FILIP1L: variants seen among roughly 807,000 people sequenced by gnomAD.
FILIP1L encodes the protein filamin A interacting protein 1 like.
FILIP1L carries 55 observed loss-of-function variants against 96.6 expected under a neutral mutation model. The ratio of observed to expected loss-of-function variants is 0.57; its 90% CI spans 0.46 to 0.71. FILIP1L has a LOEUF of 0.71. FILIP1L is among the 30% of genes least tolerant of loss of function. The pLI is 0.00. For synonymous variants in FILIP1L, 467 were observed against 473.9 expected (o/e 0.99, Z 0.19); for missense variants, 1,304 against 1,321.2 (o/e 0.99, Z 0.20).
rs1199730486 is a variant in FILIP1L, at chr3:99,849,592, G to C, written c.2084C>G (p.Thr695Ser). ...TTTGAAAAGCCATTGTTCATGGCTG[G>C]TCTCTGTCTTTTCTGCTAACTTGTA... ...AKYKLAEKTE[T>S]SHEQWLFKRL... is the part of the protein sequence containing the mutation. Residue 695 changes from threonine to serine, a missense_variant, in exon 5 of 6, where the codon ACC becomes AGC. Thr to Ser is a moderately conservative substitution (Grantham distance 58). Coordinates refer to ENST00000477258, the MANE Select transcript of FILIP1L (RefSeq NM_001387850.1). 1 of 1,613,520 alleles carries C rather than the reference G, an allele frequency of 6.2e-7. No individual in the cohort carries two copies. Among genetic ancestry groups the C allele is most frequent in the Admixed American group, 1.7e-5 (1 of 60,010 alleles).
intron 1 of FILIP1L, among the ~76,000 whole-genome samples, chr3:100,096,284 C>T (rs1431633985): frequency 1.2e-5 from 1 of 85,358 alleles, no homozygotes; most frequent in Non-Finnish European, 2.5e-5. Context: ...GAAATGAAAT[C>T]AGTATAGCAA....
chr3:100,075,815 A>AT (rs1163460155), intron 1 of FILIP1L, among the ~76,000 whole-genome samples: 3 of 152,104 alleles, frequency 2.0e-5, no homozygotes, highest in Non-Finnish European at 4.4e-5. Context: ...GGGGCAATTT[A>AT]TCTCTGAGCT....
At chr3:99,904,784 A>G (rs1014983699) in intron 4 of FILIP1L, among the ~76,000 whole-genome samples, 1 of 152,094 alleles carries the variant, frequency 6.6e-6, no homozygotes, top group African/African-American at 2.4e-5. Context: ...TTGCTCTAGA[A>G]TCTTCAATCT....
chr3:99,875,887 C>G (rs1705487777), intron 4 of FILIP1L, among the ~76,000 whole-genome samples: 1 of 152,238 alleles, frequency 6.6e-6, no homozygotes, highest in South Asian at 2.1e-4. Context: ...CCAGAGAAAA[C>G]TTCTACTTTC....
rs201546638 is a variant in FILIP1L at position 99,849,217 on chromosome 3, C to G, written c.2459G>C (p.Arg820Pro). 6.2e-7 allele frequency: 1 copy of G among 1,614,106 alleles called. No homozygotes were observed. The highest frequency in any genetic ancestry group is 8.5e-7 in the Non-Finnish European group (1 of 1,179,998). The change falls in exon 5 of 6, where the codon CGT becomes CCT. Residue 820 changes from arginine (R) to proline (P), a missense_variant. Arg to Pro is a moderately radical substitution (Grantham distance 103). Coordinates refer to ENST00000477258, the MANE Select transcript of FILIP1L (RefSeq NM_001387850.1). ...PDYKSLIPLE[R>P]AVINGQLYEE... ...ATATAACTGACCATTGATGACTGCA[C>G]GTTCCAGAGGAATGAGGCTCTTGTA...
chr3:100,023,710 G>A (rs1283684113), intron 1 of FILIP1L, among the ~76,000 whole-genome samples: 1 of 152,058 alleles, frequency 6.6e-6, no homozygotes, highest in Non-Finnish European at 1.5e-5. Context: ...GTATGTCATG[G>A]TATGCTGCAG....
chr3:99,959,461 A>T (rs1708431082), intron 1 of FILIP1L, among the ~76,000 whole-genome samples: 1 of 152,050 alleles, frequency 6.6e-6, no homozygotes, highest in Non-Finnish European at 1.5e-5. Context: ...TTTTCCTCAA[A>T]CTTTAAATAT....
At chr3:100,111,967 T>C (rs1280406976) in intron 1 of FILIP1L, among the ~76,000 whole-genome samples, 2 of 152,172 alleles carry the variant, frequency 1.3e-5, no homozygotes, top group African/African-American at 2.4e-5. Context: ...ATTCCTACAC[T>C]CAGGGCATCT....
intron 1 of FILIP1L, among the ~76,000 whole-genome samples, chr3:100,049,661 A>T (rs1384858293): frequency 2.0e-5 from 3 of 152,238 alleles, no homozygotes; most frequent in Admixed American, 6.5e-5. Context: ...CAGCAAGAGC[A>T]ACCCTTCTTC....
intron 1 of FILIP1L, among the ~76,000 whole-genome samples, chr3:99,938,843 A>G (rs78376414): frequency 1.3e-5 from 2 of 152,260 alleles, no homozygotes; most frequent in East Asian, 1.9e-4. Context: ...AAAAAAAAAA[A>G]GTTTCCTTTT....
At chr3:100,023,823 T>C (rs1309953460) in intron 1 of FILIP1L, among the ~76,000 whole-genome samples, 1 of 152,212 alleles carries the variant, frequency 6.6e-6, no homozygotes, top group Non-Finnish European at 1.5e-5. Flanking sequence ...TACTATGTTC[T>C]CCTTCACAGT....
Position 99,929,939 on chromosome 3 carries a change from C to A in FILIP1L, c.343G>T (p.Val115Leu). 1 of 1,614,124 alleles carries A rather than the reference C, an allele frequency of 6.2e-7. No homozygotes were observed. Among genetic ancestry groups the A allele is most frequent in the Non-Finnish European group, 8.5e-7 (1 of 1,180,002 alleles). Residue 115 changes from valine to leucine, a missense_variant, in exon 3 of 6, where the codon GTG (valine) becomes TTG (leucine). Val to Leu is a conservative substitution (Grantham distance 32, BLOSUM62 1). Transcript: ENST00000477258. ...AQYGFVTPKK[V>L]LEALQRDAFQ... ...GCATCTCTCTGGAGAGCCTCTAACA[C>A]CTTTTTTGGAGTGACAAACCCATAC...
chr3:100,059,550 G>A (rs895819464), intron 1 of FILIP1L, among the ~76,000 whole-genome samples: 3 of 152,184 alleles, frequency 2.0e-5, no homozygotes, highest in African/African-American at 7.2e-5. Flanking sequence ...TATCCTCCAA[G>A]GGTAGAGGGT....
intron 1 of FILIP1L, among the ~76,000 whole-genome samples, chr3:100,019,224 T>C (rs1468722262): frequency 1.3e-5 from 2 of 152,150 alleles, no homozygotes; most frequent in Admixed American, 1.3e-4. Flanking sequence ...TAGCCTGGTA[T>C]GGTGGCACAT....
chr3:99,995,639 G>C (rs1195919563), intron 1 of FILIP1L, among the ~76,000 whole-genome samples: 1 of 152,218 alleles, frequency 6.6e-6, no homozygotes, highest in Non-Finnish European at 1.5e-5. Context: ...GCAAACTTCT[G>C]CCTGGGCATC....
intron 1 of FILIP1L, among the ~76,000 whole-genome samples, chr3:100,083,658 T>A (rs1245334718): frequency 1.3e-5 from 2 of 152,254 alleles, no homozygotes; most frequent in African/African-American, 4.8e-5. Flanking sequence ...AGTGTCATAT[T>A]TTTTAAAGTG....
chr3:99,950,658 T>C (rs1213571848), intron 1 of FILIP1L, among the ~76,000 whole-genome samples: 1 of 152,142 alleles, frequency 6.6e-6, no homozygotes, highest in Non-Finnish European at 1.5e-5. Flanking sequence ...AATATTCGCC[T>C]CCCCAGACAG....
rs1305947604 is a variant in FILIP1L at position 99,829,175 on chromosome 3, T to C, written c.*1239A>G. Among the ~76,000 whole-genome samples, 1 of 152,226 alleles carries C rather than the reference T, an allele frequency of 6.6e-6. No homozygotes were observed. The highest frequency in any genetic ancestry group is 1.5e-5 in the Non-Finnish European group (1 of 68,038). On this transcript the variant is annotated 3_prime_UTR_variant, in exon 6 of 6. Coordinates refer to ENST00000477258, the MANE Select transcript of FILIP1L (RefSeq NM_001387850.1). The stretch of plus-strand genomic sequence containing the variant: ...ACCATGAGGATTTCTTCCAGGGTCA[T>C]GCTTCCAGTTTTTAGTGAAGGATCA...
intron 1 of FILIP1L, among the ~76,000 whole-genome samples, chr3:99,935,052 T>A (rs943010188): frequency 1.3e-5 from 2 of 152,114 alleles, no homozygotes; most frequent in African/African-American, 4.8e-5. Context: ...CCTCTGCCAA[T>A]AACCACAAAA....
Sources: gnomAD v4.1 joint callset for allele counts (sites outside exome capture counted in the v4.1 genomes callset) on GRCh38, gnomAD v4.1.1 for gene constraint, MANE v1.5 for transcripts, NCBI Gene and HGNC (gene_info 2026-07-23, HGNC 2026-07-21) for gene names.